Variants in TMC2 observed in about 807,000 individuals in gnomAD.
TMC2 encodes transmembrane channel like 2, also known as transmembrane channel-like protein 2.
TMC2 carries 102 observed loss-of-function variants against 105.9 expected under a neutral mutation model. That is an observed-to-expected ratio of 0.96 (90% confidence interval 0.82 to 1.14). The LOEUF is 1.14. Ranked by LOEUF, TMC2 falls within the 50% of genes most tolerant of loss-of-function variation. The pLI is 0.00. For synonymous variants in TMC2, 402 were observed against 422.8 expected (o/e 0.95, Z 0.60); for missense variants, 1,093 against 1,134.3 (o/e 0.96, Z 0.52).
chr20:2,592,357 T>G lies in TMC2; in HGVS notation c.882T>G (p.Pro294=), dbSNP rs2086275087. 6.2e-7 allele frequency: 1 copy of G among 1,614,122 alleles called. No homozygotes were observed. The highest frequency in any genetic ancestry group is 8.5e-7 in the Non-Finnish European group (1 of 1,179,992). The change falls in exon 8 of 20, where the codon CCT becomes CCG. Residue 294 remains proline (P), a synonymous_variant. Coordinates refer to ENST00000358864, the MANE Select transcript of TMC2 (RefSeq NM_080751.3). This position sits in a 1 kb window ranked among gnomAD's most constrained non-coding sequence, Gnocchi z 4.9. ...GGAGTATTCCCAGAAAGACAGTGCC[T>G]CGGGCTGAGGAAGAAAAGGCCATGG... ...PYGSIPRKTV[P]RAEEEKAMDF... is the part of the protein sequence containing the mutation.
rs2086484043 is a variant in TMC2, at chr20:2,616,575, G to A, written c.1940+371G>A. On this transcript the variant is annotated intron_variant, in intron 15 of 19. Coordinates refer to ENST00000358864, the MANE Select transcript of TMC2 (RefSeq NM_080751.3). This position sits in a 1 kb window ranked among gnomAD's most constrained non-coding sequence, Gnocchi z 4.8. ...GGAGGAAAGGAAAATAAAGAAGGAG[G>A]GAGGGAGAAAAGAAGGAAGAGAAGG... 6.6e-6 allele frequency among the ~76,000 whole-genome samples: 1 copy of A among 151,924 alleles called. No individual in the cohort carries two copies. Among genetic ancestry groups the A allele is most frequent in the Non-Finnish European group, 1.5e-5 (1 of 67,960 alleles).
chr20:2,630,995 T>C (rs1450110898), intron 17 of TMC2, among the ~76,000 whole-genome samples: 2 of 152,254 alleles, frequency 1.3e-5, no homozygotes, highest in Admixed American at 1.3e-4. Flanking sequence ...ATGTCTTATG[T>C]ATTTTTGTTA....
intron 7 of TMC2, among the ~76,000 whole-genome samples, chr20:2,585,391 C>A (rs1054147585): frequency 1.3e-5 from 2 of 151,958 alleles, no homozygotes; most frequent in African/African-American, 4.8e-5. Flanking sequence ...CTTCTAATTT[C>A]TTGGGGTTTG....
intron 2 of TMC2, among the ~76,000 whole-genome samples, chr20:2,543,087 A>C (rs1428003470): frequency 6.6e-6 from 1 of 151,876 alleles, no homozygotes; most frequent in Non-Finnish European, 1.5e-5. Flanking sequence ...AAATACAAAA[A>C]TTAGTCAGGC....
chr20:2,612,320 TG>T lies in TMC2; in HGVS notation c.1726del (p.Glu576ArgfsTer9). The T allele has an allele frequency of 6.3e-7, 1 of 1,584,786 alleles. No individual in the cohort carries two copies. Among genetic ancestry groups the T allele is most frequent in the Non-Finnish European group, 8.6e-7 (1 of 1,160,426 alleles). On this transcript the variant is annotated frameshift_variant, in exon 13 of 20. Transcript: ENST00000358864. LOFTEE classifies it high-confidence loss of function. ...HPADVPRGSC[W>X]ETAVGIEFMR... ...TGCAGATGTGCCCCGGGGTTCTTGC[TG>T]GGAGACAGCTGTGGGCATTGTGAGT...
intron 7 of TMC2, among the ~76,000 whole-genome samples, chr20:2,586,768 C>T (rs1167514803): frequency 6.6e-6 from 1 of 150,846 alleles, no homozygotes; most frequent in East Asian, 1.9e-4. Context: ...CACATTTCAA[C>T]ATGAGAGTTG....
chr20:2,543,064 C>T (rs1301327133), intron 2 of TMC2, among the ~76,000 whole-genome samples: 1 of 151,862 alleles, frequency 6.6e-6, no homozygotes, highest in Non-Finnish European at 1.5e-5. Flanking sequence ...TGGTGAAACC[C>T]TGTCTCTACT....
At chr20:2,553,329 C>G (rs1178588512) in intron 2 of TMC2, among the ~76,000 whole-genome samples, 2 of 152,084 alleles carry the variant, frequency 1.3e-5, no homozygotes, top group African/African-American at 4.8e-5. Context: ...AATGTTTTCT[C>G]TGCATCTATT....
At chr20:2,573,706 G>A (rs1369029771) in intron 5 of TMC2, among the ~76,000 whole-genome samples, 1 of 149,626 alleles carries the variant, frequency 6.7e-6, no homozygotes, top group African/African-American at 2.5e-5. Context: ...GACTACAGGC[G>A]CCCGCCACCA....
chr20:2,610,442 T>G lies in TMC2; in HGVS notation c.1437T>G (p.Leu479=). 6.2e-7 allele frequency: 1 copy of G among 1,612,408 alleles called. No individual in the cohort carries two copies. Among genetic ancestry groups the G allele is most frequent in the South Asian group, 1.1e-5 (1 of 90,832 alleles). The change falls in exon 12 of 20, where the codon CTT becomes CTG. Residue 479 remains leucine (L), a synonymous_variant. Transcript: ENST00000358864. The stretch of plus-strand genomic sequence containing the variant: ...AGGTAGAGATCGTGATGTCCCTGCT[T>G]GGAATGTTTTGTCCCCCTCTGTTTG... The part of the protein sequence containing the change: ...RNEVEIVMSL[L]GMFCPPLFET...
intron 4 of TMC2, among the ~76,000 whole-genome samples, chr20:2,566,154 C>T (rs1216233528): frequency 1.3e-5 from 2 of 152,144 alleles, no homozygotes; most frequent in Non-Finnish European, 2.9e-5. Flanking sequence ...CTACCCAATC[C>T]CTCTCAGGGT....
chr20:2,612,995 G>A (rs2086452546), intron 13 of TMC2, among the ~76,000 whole-genome samples, 199 bp from the exon 14 acceptor site: 1 of 152,200 alleles, frequency 6.6e-6, no homozygotes, highest in Admixed American at 6.5e-5. Flanking sequence ...CATACAATTG[G>A]TAATGTGGAG....
intron 5 of TMC2, 70 bp from the exon 6 acceptor site, chr20:2,579,076 C>A: frequency 1.2e-6 from 1 of 862,338 alleles, no homozygotes; most frequent in East Asian, 2.6e-5. Flanking sequence ...TCCTCGTGCC[C>A]CTCATCATGC....
chr20:2,632,841 A>G (rs949842977), intron 17 of TMC2, among the ~76,000 whole-genome samples: 3 of 152,170 alleles, frequency 2.0e-5, no homozygotes, highest in Non-Finnish European at 2.9e-5. Flanking sequence ...CACCCGCCTC[A>G]GCCTCCCAAA....
At chr20:2,619,121 G>C (rs1044907976) in intron 16 of TMC2, among the ~76,000 whole-genome samples, 1 of 152,166 alleles carries the variant, frequency 6.6e-6, no homozygotes, top group African/African-American at 2.4e-5. Context: ...GCCCCTAAAT[G>C]CCCAAAGAGC....
chr20:2,603,357 A>T (rs1217193794), intron 11 of TMC2, among the ~76,000 whole-genome samples: 1 of 152,226 alleles, frequency 6.6e-6, no homozygotes. Flanking sequence ...GCAAGAAAGG[A>T]TATAAAAAAG....
At chr20:2,548,129 T>C (rs1031976737) in intron 2 of TMC2, among the ~76,000 whole-genome samples, 5 of 152,216 alleles carry the variant, frequency 3.3e-5, no homozygotes, top group African/African-American at 1.2e-4. Context: ...CTGTCACACA[T>C]CAGCATTTTA....
rs2086693305 is a variant in TMC2 at position 2,642,022 on chromosome 20, T to C, written c.*671T>C. Reference sequence around the variant, plus strand: ...ATCACTTGAGCCCAGGAGGCAGAGGTTGCAGTTAGCTAAGATCACGTCACT... The same window carrying C: ...ATCACTTGAGCCCAGGAGGCAGAGGCTGCAGTTAGCTAAGATCACGTCACT... On this transcript the variant is annotated 3_prime_UTR_variant, in exon 20 of 20. Coordinates refer to ENST00000358864, the MANE Select transcript of TMC2 (RefSeq NM_080751.3). Among the ~76,000 whole-genome samples, 1 of 151,578 alleles carries C rather than the reference T, an allele frequency of 6.6e-6. No homozygotes were observed. The highest frequency in any genetic ancestry group is 2.4e-5 in the African/African-American group (1 of 41,174).
chr20:2,537,285 A>G lies in TMC2; in HGVS notation c.51A>G (p.Lys17=). ...CTCTTACAGCACGAGGCGGAGTGAAAGGGCGGGTGAAGAGCGGCTCTCCAC... is the reference window on the plus strand; with the variant it reads ...CTCTTACAGCACGAGGCGGAGTGAAGGGGCGGGTGAAGAGCGGCTCTCCAC... ...GLKEEARGGV[K]GRVKSGSPHT... The change falls in exon 2 of 20, where the codon AAA becomes AAG. Residue 17 remains lysine, a synonymous_variant. Coordinates refer to ENST00000358864, the MANE Select transcript of TMC2 (RefSeq NM_080751.3). 6.2e-7 allele frequency: 1 copy of G among 1,603,974 alleles called. No homozygotes were observed. Among genetic ancestry groups the G allele is most frequent in the Non-Finnish European group, 8.5e-7 (1 of 1,175,484 alleles).
Sources: gnomAD v4.1 joint callset for allele counts (sites outside exome capture counted in the v4.1 genomes callset) on GRCh38, gnomAD v4.1.1 for gene constraint, Gnocchi (gnomAD v3.1) non-coding constraint, MANE v1.5 for transcripts, NCBI Gene and HGNC (gene_info 2026-07-23, HGNC 2026-07-21) for gene names.